The following ASAP1 variants were observed in gnomAD, a reference collection of about 807,000 sequenced individuals.
The protein encoded by ASAP1 is arf-GAP with SH3 domain, ANK repeat and PH domain-containing protein 1.
Under a neutral mutation model 145.2 loss-of-function variants are expected in ASAP1, and 43 were observed. The observed-to-expected ratio is 0.30, with a 90% CI of 0.23 to 0.38. ASAP1 has a LOEUF of 0.38. Ranked by LOEUF, ASAP1 falls within the 10% of genes least tolerant of loss-of-function variation. ASAP1 has a pLI of 1.00. For synonymous variants in ASAP1, 546 were observed against 515.5 expected, an observed-to-expected ratio of 1.06 and a Z score of -0.80; for missense variants, 1,018 against 1,355.3, an observed-to-expected ratio of 0.75 and a Z score of 3.91.
chr8:130,062,098 C>T (rs950312314), intron 27 of ASAP1, among the ~76,000 whole-genome samples: 1 of 152,180 alleles, frequency 6.6e-6, no homozygotes, highest in Non-Finnish European at 1.5e-5. Context: ...TGCAGTAGTA[C>T]TACCATCACT....
chr8:130,180,894 CA>C lies in ASAP1; in HGVS notation c.531-15del. The C allele has an allele frequency of 6.4e-7, 1 of 1,555,630 alleles. No homozygotes were observed. The highest frequency in any genetic ancestry group is 8.6e-7 in the Non-Finnish European group (1 of 1,160,000). On this transcript the variant is annotated splice_polypyrimidine_tract_variant and intron_variant, in intron 7 of 29. Coordinates refer to ENST00000518721, the MANE Select transcript of ASAP1 (RefSeq NM_018482.4). Reference sequence around the variant, plus strand: ...TCAATTTTTGTACTGTAATTAAAGCCAATGTCATTATTTAAAAAAAAAAAAT... The same window carrying C: ...TCAATTTTTGTACTGTAATTAAAGCCATGTCATTATTTAAAAAAAAAAAAT...
chr8:130,080,181 T>A (rs563931565), intron 25 of ASAP1, among the ~76,000 whole-genome samples: 58 of 151,638 alleles, frequency 3.8e-4, no homozygotes, highest in African/African-American at 1.4e-3. Flanking sequence ...GGTAAAGGAG[T>A]GTATCAAAGA....
intron 3 of ASAP1, among the ~76,000 whole-genome samples, chr8:130,309,297 A>G (rs1823184297): frequency 6.6e-6 from 1 of 152,236 alleles, no homozygotes; most frequent in Non-Finnish European, 1.5e-5. Context: ...AAGTACTAAG[A>G]CAGAGGTACA....
chr8:130,147,399 T>C (rs1437814185), intron 13 of ASAP1, among the ~76,000 whole-genome samples: 2 of 152,134 alleles, frequency 1.3e-5, no homozygotes, highest in African/African-American at 4.8e-5. Flanking sequence ...GCCTCATTAA[T>C]AGCCCCATTT....
chr8:130,087,736 C>T (rs13269464), intron 25 of ASAP1, among the ~76,000 whole-genome samples: 86,437 of 151,834 alleles, frequency 0.57, 24,917 homozygotes, highest in East Asian at 0.68. Context: ...TTTGATTCCA[C>T]ATTTAATGTT....
intron 24 of ASAP1, among the ~76,000 whole-genome samples, chr8:130,093,395 G>A (rs551263768): frequency 6.6e-5 from 10 of 152,126 alleles, no homozygotes; most frequent in African/African-American, 2.2e-4. Context: ...GACCAGGCAC[G>A]GTGGCTCTCG....
chr8:130,108,991 T>G (rs564549432), intron 24 of ASAP1, among the ~76,000 whole-genome samples: 1 of 151,920 alleles, frequency 6.6e-6, no homozygotes, highest in South Asian at 2.1e-4. Flanking sequence ...GTCAGGGTGG[T>G]CTCGAACTCC....
At chr8:130,149,973 G>A (rs1476972636) in intron 13 of ASAP1, among the ~76,000 whole-genome samples, 1 of 152,200 alleles carries the variant, frequency 6.6e-6, no homozygotes, top group East Asian at 1.9e-4. Context: ...GGGCAGGAGA[G>A]TGCTGATGTT....
chr8:130,271,788 T>C (rs1400959069), intron 3 of ASAP1, among the ~76,000 whole-genome samples: 1 of 152,154 alleles, frequency 6.6e-6, no homozygotes, highest in African/African-American at 2.4e-5. Context: ...CATCCCTGCT[T>C]CAAAAATCAC....
chr8:130,095,231 A>G (rs1034848544), intron 24 of ASAP1, among the ~76,000 whole-genome samples: 1 of 151,372 alleles, frequency 6.6e-6, no homozygotes, highest in African/African-American at 2.4e-5. Context: ...GGTTTCGTGT[A>G]GAGTAAATAT....
At chr8:130,324,811 T>A (rs1280324826) in intron 3 of ASAP1, among the ~76,000 whole-genome samples, 2 of 152,160 alleles carry the variant, frequency 1.3e-5, no homozygotes, top group Non-Finnish European at 2.9e-5. Context: ...ATGCACTCAT[T>A]TTTTACAGCA....
At chr8:130,437,079 T>C (rs1367585947) in intron 1 of ASAP1, among the ~76,000 whole-genome samples, 1 of 133,332 alleles carries the variant, frequency 7.5e-6, no homozygotes, top group African/African-American at 2.9e-5. Context: ...CACTCCAGCC[T>C]AGGCGACAGA....
chr8:130,388,391 G>A (rs909175617), intron 2 of ASAP1, among the ~76,000 whole-genome samples: 4 of 152,216 alleles, frequency 2.6e-5, no homozygotes, highest in African/African-American at 7.2e-5. Context: ...TGAGCTGCAA[G>A]AGGAGTGAGG....
At chr8:130,140,854 C>T (rs1294002477) in intron 13 of ASAP1, among the ~76,000 whole-genome samples, 1 of 152,218 alleles carries the variant, frequency 6.6e-6, no homozygotes, top group Non-Finnish European at 1.5e-5. Context: ...CTGACTTACC[C>T]AGGGCTGAGC....
chr8:130,338,384 G>T (rs930257738), intron 3 of ASAP1, among the ~76,000 whole-genome samples: 15 of 152,246 alleles, frequency 9.9e-5, no homozygotes, highest in South Asian at 4.1e-4. Flanking sequence ...AAAATTAGCT[G>T]CTACAATTAA....
intron 2 of ASAP1, among the ~76,000 whole-genome samples, chr8:130,365,625 A>G (rs1292687103): frequency 6.6e-6 from 1 of 152,186 alleles, no homozygotes; most frequent in African/African-American, 2.4e-5. Flanking sequence ...GTGCTATATC[A>G]AGAATGAGAA....
chr8:130,246,206 C>T (rs1311855186), intron 3 of ASAP1, among the ~76,000 whole-genome samples: 1 of 152,036 alleles, frequency 6.6e-6, no homozygotes, highest in Non-Finnish European at 1.5e-5. Context: ...AAGCAGACTC[C>T]GAGAGAGACT....
intron 2 of ASAP1, among the ~76,000 whole-genome samples, chr8:130,380,967 C>G (rs1827740577): frequency 6.6e-6 from 1 of 152,132 alleles, no homozygotes; most frequent in South Asian, 2.1e-4. Context: ...TCACTGAAAC[C>G]TCGCCTCCCG....
intron 3 of ASAP1, among the ~76,000 whole-genome samples, chr8:130,338,297 T>G (rs1825162174): frequency 6.6e-6 from 1 of 152,232 alleles, no homozygotes; most frequent in African/African-American, 2.4e-5. Flanking sequence ...GGCTTAACAG[T>G]ACCTACCTAA....
Sources: gnomAD v4.1 joint callset for allele counts (sites outside exome capture counted in the v4.1 genomes callset) on GRCh38, gnomAD v4.1.1 for gene constraint, MANE v1.5 for transcripts, NCBI Gene and HGNC (gene_info 2026-07-23, HGNC 2026-07-21) for gene names.